The following HDAC9 variants were observed in gnomAD, a reference collection of about 807,000 sequenced individuals.
HDAC9 encodes the protein histone deacetylase 9.
Under a neutral mutation model 139.4 loss-of-function variants are expected in HDAC9, and 41 were observed. The observed-to-expected ratio is 0.29, with a 90% CI of 0.23 to 0.38. HDAC9 has a LOEUF of 0.38. Ranked by LOEUF, HDAC9 falls within the 10% of genes least tolerant of loss-of-function variation. The pLI, the probability that HDAC9 is intolerant of heterozygous loss-of-function variation, is 1.00. For missense variants in HDAC9, 1,147 were observed against 1,297.0 expected (o/e 0.88, Z 1.78); for synonymous variants, 517 against 476.2 (o/e 1.09, Z -1.12).
chr7:18,910,716 T>C lies in HDAC9; in HGVS notation c.2804-25093T>C, dbSNP rs562818335. On this transcript the variant is annotated intron_variant, in intron 22 of 25. Coordinates refer to ENST00000686413, the MANE Select transcript of HDAC9 (RefSeq NM_178425.4). The stretch of plus-strand genomic sequence containing the variant: ...TTCTGTGTCTATTGTGATGATCGTA[T>C]GGCTTTCATCTTTTATTCTGTTGAC... 3.3e-5 allele frequency among the ~76,000 whole-genome samples: 5 copies of C among 152,140 alleles called. No individual in the cohort carries two copies. The South Asian group carries it at 8.3e-4, about 25-fold the overall frequency.
rs143166892 is a variant in HDAC9, at chr7:18,643,497, ACTCAT to A, written c.913-1170_913-1166del. Among the ~76,000 whole-genome samples the A allele has an allele frequency of 2.6e-5, 4 of 152,184 alleles. No homozygotes were observed. The East Asian group carries it at 7.7e-4, about 29-fold the overall frequency. ...GTGCTCTTATTATGTTAAGACTAAG[ACTCAT>A]CTCCAAACAAACGTATGATTGAGAT... is the stretch of plus-strand genomic sequence containing the variant. On this transcript the variant is annotated intron_variant, in intron 8 of 25. Coordinates refer to ENST00000686413, the MANE Select transcript of HDAC9 (RefSeq NM_178425.4).
intron 2 of HDAC9, among the ~76,000 whole-genome samples, chr7:18,171,737 A>G (rs879785982): frequency 2.6e-5 from 4 of 152,044 alleles, no homozygotes; most frequent in Non-Finnish European, 5.9e-5. Flanking sequence ...TGTTTATGTG[A>G]TGGATTATGT....
At chr7:18,712,121 T>C (rs1210799151) in intron 12 of HDAC9, among the ~76,000 whole-genome samples, 2 of 152,174 alleles carry the variant, frequency 1.3e-5, no homozygotes, top group Non-Finnish European at 2.9e-5. Context: ...TGAATTCCAA[T>C]TTAAATAAAT....
chr7:18,127,977 A>G (rs1380629622), intron 1 of HDAC9, among the ~76,000 whole-genome samples: 1 of 152,154 alleles, frequency 6.6e-6, no homozygotes. Flanking sequence ...TTCTTAAACT[A>G]TATTTTCACT....
chr7:18,390,621 A>G (rs978039150), intron 1 of HDAC9, among the ~76,000 whole-genome samples: 2 of 152,140 alleles, frequency 1.3e-5, no homozygotes, highest in African/African-American at 4.8e-5. Context: ...CGTTGTTCAA[A>G]GGATATATTT....
At chr7:18,865,946 T>G (rs143464104) in intron 21 of HDAC9, among the ~76,000 whole-genome samples, 371 of 151,764 alleles carry the variant, frequency 2.4e-3, no homozygotes, top group African/African-American at 8.4e-3. Context: ...ATTTGCATGA[T>G]TATAATATGC....
At chr7:18,322,304 A>T (rs1428106502) in intron 1 of HDAC9, among the ~76,000 whole-genome samples, 1 of 152,240 alleles carries the variant, frequency 6.6e-6, no homozygotes, top group African/African-American at 2.4e-5. Flanking sequence ...AACTTTGGGC[A>T]TAAGAGAAAG....
In HDAC9 at chr7:18,495,994, T is replaced by C; in HGVS notation, c.-71T>C. 4 of 1,381,194 alleles carry C rather than the reference T, an allele frequency of 2.9e-6. No individual in the cohort carries two copies. The highest frequency in any genetic ancestry group is 3.7e-6 in the Non-Finnish European group (4 of 1,070,386). 85.6% of individuals were successfully genotyped at this position (1,381,194 alleles called of 1,614,324 possible). ...ACCTAAACTCCAGAGAGCTATAGCA[T>C]CCACTCTGTCCTTTCTGCTTTGCAC... On this transcript the variant is annotated 5_prime_UTR_variant, in exon 1 of 26. Transcript: ENST00000686413.
chr7:18,709,135 T>C (rs1784158328), intron 12 of HDAC9, among the ~76,000 whole-genome samples: 1 of 152,124 alleles, frequency 6.6e-6, no homozygotes, highest in Non-Finnish European at 1.5e-5. Context: ...CATAGGTATA[T>C]GTGTGCCATG....
intron 23 of HDAC9, among the ~76,000 whole-genome samples, chr7:18,939,978 T>C (rs1781912383): frequency 2.0e-5 from 3 of 152,330 alleles, no homozygotes; most frequent in Non-Finnish European, 2.9e-5. Context: ...TATTTATTCA[T>C]GTGCAGAGGA....
At chr7:18,290,264 G>T, upstream of HDAC9, 1 of 325,122 alleles carries the variant, frequency 3.1e-6, no homozygotes, top group Non-Finnish European at 6.1e-6. Flanking sequence ...AACTGTCTTT[G>T]CCCCCAAGTT....
intron 2 of HDAC9, among the ~76,000 whole-genome samples, chr7:18,514,627 C>T (rs964162343): frequency 1.3e-4 from 19 of 151,998 alleles, no homozygotes; most frequent in African/African-American, 3.6e-4. Flanking sequence ...ATCTTTTTTC[C>T]CCAGTTTATT....
intron 1 of HDAC9, among the ~76,000 whole-genome samples, chr7:18,120,233 A>G (rs760142825): frequency 3.3e-5 from 5 of 152,178 alleles, no homozygotes; most frequent in East Asian, 1.9e-4. Context: ...GTGCTGCTCA[A>G]TATCTTACAT....
intron 21 of HDAC9, among the ~76,000 whole-genome samples, chr7:18,854,960 TAA>T (rs1412365741): frequency 6.6e-6 from 1 of 152,116 alleles, no homozygotes; most frequent in Non-Finnish European, 1.5e-5. Flanking sequence ...TTGTTATTGT[TAA>T]ATGTTTTGAT....
At chr7:18,168,005 A>T (rs1788123928) in intron 2 of HDAC9, among the ~76,000 whole-genome samples, 1 of 152,212 alleles carries the variant, frequency 6.6e-6, no homozygotes, top group African/African-American at 2.4e-5. Flanking sequence ...ATCAGGGCAG[A>T]TCAGCTCACC....
Position 18,997,415 on chromosome 7 carries a change from A to C in HDAC9, c.*1353A>C, listed in dbSNP as rs970716216. The C allele has an allele frequency of 1.2e-4, 18 of 152,312 alleles. No homozygotes were observed. Among genetic ancestry groups the C allele is most frequent in the African/African-American group, 4.3e-4 (18 of 41,594 alleles). 9.4% of individuals were successfully genotyped at this position (152,312 alleles called of 1,614,324 possible). A position where few individuals can be genotyped will look rare whatever the true frequency, so the allele number is the denominator to read the frequency against. Reference sequence around the variant, plus strand: ...AAAAAGTAACTTACTAAATATAAGTAGGTTATCCTCCTACCTCCTAAAATT... The same window carrying C: ...AAAAAGTAACTTACTAAATATAAGTCGGTTATCCTCCTACCTCCTAAAATT... On this transcript the variant is annotated 3_prime_UTR_variant, in exon 26 of 26. Coordinates refer to ENST00000686413, the MANE Select transcript of HDAC9 (RefSeq NM_178425.4).
At chr7:18,679,785 G>A (rs536721571) in intron 12 of HDAC9, among the ~76,000 whole-genome samples, 93 of 151,734 alleles carry the variant, frequency 6.1e-4, no homozygotes, top group Middle Eastern at 3.4e-3. Flanking sequence ...ACTAGGTAAC[G>A]TAAGTGTAAT....
At chr7:18,768,388 C>T (rs533808088) in intron 16 of HDAC9, among the ~76,000 whole-genome samples, 17 of 152,176 alleles carry the variant, frequency 1.1e-4, no homozygotes, top group African/African-American at 2.6e-4. Context: ...GGGTAAGCAG[C>T]GCAGCAGTGT....
intron 1 of HDAC9, among the ~76,000 whole-genome samples, chr7:18,438,531 G>A (rs1175334885): frequency 6.6e-6 from 1 of 151,960 alleles, no homozygotes; most frequent in African/African-American, 2.4e-5. Context: ...CAACACAATT[G>A]GAGAAAGATT....
Sources: gnomAD v4.1 joint callset for allele counts (sites outside exome capture counted in the v4.1 genomes callset) on GRCh38, gnomAD v4.1.1 for gene constraint, MANE v1.5 for transcripts, NCBI Gene and HGNC (gene_info 2026-07-23, HGNC 2026-07-21) for gene names.